Variants in PPP1R12A observed in about 807,000 individuals in gnomAD.
The protein encoded by PPP1R12A is myosin binding subunit.
Under a neutral mutation model 139.6 loss-of-function variants are expected in PPP1R12A, and 19 were observed. The ratio of observed to expected loss-of-function variants is 0.14; its 90% CI spans 0.09 to 0.20. The LOEUF (loss-of-function observed/expected upper bound fraction) is 0.20, where lower values mean the gene tolerates loss of function less well. Ranked by LOEUF, PPP1R12A falls within the 10% of genes least tolerant of loss-of-function variation. The pLI is 1.00. For synonymous variants in PPP1R12A, 427 were observed against 420.6 expected (o/e 1.02, Z -0.19); for missense variants, 925 against 1,211.5 (o/e 0.76, Z 3.51).
At chr12:79,823,583 G>C (rs1876398318) in intron 5 of PPP1R12A, among the ~76,000 whole-genome samples, 1 of 132,592 alleles carries the variant, frequency 7.5e-6, no homozygotes, top group Non-Finnish European at 1.6e-5. Context: ...CATTGTCTAT[G>C]AAAGGTATCT....
chr12:79,786,012 AACAT>A (rs1871084609), intron 22 of PPP1R12A, among the ~76,000 whole-genome samples: 4 of 152,222 alleles, frequency 2.6e-5, no homozygotes, highest in Admixed American at 2.6e-4. Flanking sequence ...TACTTGAACA[AACAT>A]AAAATATTTG....
intron 1 of PPP1R12A, among the ~76,000 whole-genome samples, chr12:79,928,310 A>G (rs1250767958): frequency 1.3e-5 from 2 of 152,236 alleles, no homozygotes; most frequent in African/African-American, 4.8e-5. Flanking sequence ...GGAAGCACAG[A>G]GGCAGCAACT....
Position 79,833,846 on chromosome 12 carries a change from GA to G in PPP1R12A, c.488-1356del, listed in dbSNP as rs371589074. On this transcript the variant is annotated intron_variant, in intron 3 of 24. Transcript: ENST00000450142. ...AGTGAGACTTTGCCTCAAAGAAAAG[GA>G]AAAAAAAAAAAAAAAAGCAAAGTAC... Among the ~76,000 whole-genome samples, 203 of 116,764 alleles carry G rather than the reference GA, an allele frequency of 1.7e-3. 1 individual carries two copies. The highest frequency in any genetic ancestry group is 6.5e-3 in the African/African-American group (183 of 28,360). The allele number at this position is 116,764 out of a possible 152,430, so 76.6% of individuals were successfully genotyped here.
chr12:79,884,228 G>A (rs979946822), intron 1 of PPP1R12A, among the ~76,000 whole-genome samples: 1 of 152,044 alleles, frequency 6.6e-6, no homozygotes, highest in Non-Finnish European at 1.5e-5. Context: ...GATTACACTG[G>A]CTCTTTGAAA....
chr12:79,809,638 A>G (rs1309255370), intron 10 of PPP1R12A, among the ~76,000 whole-genome samples, 157 bp downstream of exon 10: 1 of 152,168 alleles, frequency 6.6e-6, no homozygotes, highest in African/African-American at 2.4e-5. Flanking sequence ...AGTATTTATA[A>G]TTCTGTATAA....
chr12:79,847,069 A>G (rs1304563107), intron 2 of PPP1R12A, among the ~76,000 whole-genome samples: 1 of 152,094 alleles, frequency 6.6e-6, no homozygotes, highest in Non-Finnish European at 1.5e-5. Context: ...GGAAAAAGGA[A>G]CTCCTTTATT....
At chr12:79,909,214 G>T (rs1362425304) in intron 1 of PPP1R12A, among the ~76,000 whole-genome samples, 1 of 152,092 alleles carries the variant, frequency 6.6e-6, no homozygotes, top group Admixed American at 6.5e-5. Context: ...AGGTCTAATG[G>T]AATAATAAAA....
At position 79,790,574 on chromosome 12, in the gene PPP1R12A, T is replaced by C. The variant is rs1871717830; in HGVS notation, c.2650-91A>G. 8 of 913,964 alleles carry C rather than the reference T, an allele frequency of 8.8e-6. No individual in the cohort carries two copies. In the South Asian group the frequency reaches 1.8e-4, roughly 21 times the overall value. 56.6% of individuals were successfully genotyped at this position (913,964 alleles called of 1,614,324 possible). A position where few individuals can be genotyped will look rare whatever the true frequency, so the allele number is the denominator to read the frequency against. ...GATTATAAGTAAATTTAATGTAGTA[T>C]CAATAGAAGCAAACGAATGAACACC... On this transcript the variant is annotated intron_variant, in intron 19 of 24. Coordinates refer to ENST00000450142, the MANE Select transcript of PPP1R12A (RefSeq NM_002480.3).
Position 79,870,042 on chromosome 12 carries a change from T to C in PPP1R12A, c.368+2766A>G, listed in dbSNP as rs370634863. On this transcript the variant is annotated intron_variant, in intron 2 of 24. Transcript: ENST00000450142. ...TTCTATACCCAAGAAAACTAGGGTT[T>C]CATTAATTTCACTTAATCATTAGTG... 9.9e-5 allele frequency among the ~76,000 whole-genome samples: 15 copies of C among 152,124 alleles called. No homozygotes were observed. The East Asian group carries it at 2.7e-3, about 27-fold the overall frequency.
chr12:79,922,999 G>A (rs1239439421), intron 1 of PPP1R12A, among the ~76,000 whole-genome samples: 1 of 152,166 alleles, frequency 6.6e-6, no homozygotes, highest in East Asian at 1.9e-4. Context: ...TATAGGCCAG[G>A]TGCGATGGCT....
chr12:79,871,192 T>C (rs1384215475), intron 2 of PPP1R12A, among the ~76,000 whole-genome samples: 1 of 152,180 alleles, frequency 6.6e-6, no homozygotes, highest in Non-Finnish European at 1.5e-5. Flanking sequence ...CTCTAAATGA[T>C]ATTTTATCCT....
At position 79,821,112 on chromosome 12, in the gene PPP1R12A, T is replaced by C. The variant is rs780488067; in HGVS notation, c.922A>G (p.Met308Val). The C allele has an allele frequency of 1.2e-6, 2 of 1,613,210 alleles. No individual in the cohort carries two copies. The highest frequency in any genetic ancestry group is 8.5e-7 in the Non-Finnish European group (1 of 1,179,330). ...KSPLIESTAN[M>V]DNNQSQKTFK... The stretch of plus-strand genomic sequence containing the variant: ...GTCTTCTGTGACTGATTATTGTCCA[T>C]ATTTGCTGTTGATTCAATTAGTGGA... Residue 308 changes from methionine to valine, a missense_variant, in exon 7 of 25, where the codon ATG (methionine) becomes GTG (valine). Physicochemically the swap from Met to Val is conservative, Grantham distance 21 (BLOSUM62 1). Around this residue, in one of 4 missense-constraint regions of PPP1R12A, gnomAD observed 403 missense variants for 463.7 expected, o/e 0.87. Coordinates refer to ENST00000450142, the MANE Select transcript of PPP1R12A (RefSeq NM_002480.3).
chr12:79,833,800 G>GCA (rs972331347), intron 3 of PPP1R12A, among the ~76,000 whole-genome samples: 9 of 145,688 alleles, frequency 6.2e-5, no homozygotes, highest in African/African-American at 2.3e-4. Context: ...TCACGCCACT[G>GCA]CACTCCAGCC....
intron 1 of PPP1R12A, among the ~76,000 whole-genome samples, chr12:79,916,458 T>C (rs1887005622): frequency 1.3e-5 from 2 of 152,204 alleles, no homozygotes; most frequent in African/African-American, 2.4e-5. Context: ...TGTATAAAAC[T>C]GCTTTTCTAA....
intron 23 of PPP1R12A, chr12:79,780,049 A>C (rs1592599927): frequency 6.6e-6 from 1 of 152,258 alleles, no homozygotes; most frequent in East Asian, 1.9e-4. Flanking sequence ...AAAAGAAATT[A>C]AAAAAATAGT....
intron 2 of PPP1R12A, among the ~76,000 whole-genome samples, chr12:79,849,182 G>A (rs1285653090): frequency 2.6e-5 from 4 of 152,026 alleles, no homozygotes; most frequent in Admixed American, 6.6e-5. Context: ...TCAGAAGTTC[G>A]AGACCAGCCT....
intron 1 of PPP1R12A, among the ~76,000 whole-genome samples, chr12:79,904,944 A>T (rs1411926059): frequency 6.6e-6 from 1 of 152,236 alleles, no homozygotes; most frequent in African/African-American, 2.4e-5. Flanking sequence ...ACACAAAGGT[A>T]AATTCAAATA....
At chr12:79,799,117 G>A (rs912716068) in intron 14 of PPP1R12A, among the ~76,000 whole-genome samples, 1 of 151,984 alleles carries the variant, frequency 6.6e-6, no homozygotes, top group African/African-American at 2.4e-5. Flanking sequence ...TTGGAAGACA[G>A]GTATCAAATT....
At chr12:79,916,621 C>G (rs140368722) in intron 1 of PPP1R12A, among the ~76,000 whole-genome samples, 70 of 152,186 alleles carry the variant, frequency 4.6e-4, no homozygotes, top group African/African-American at 1.6e-3. Context: ...TTGCAAAAAG[C>G]TACAAAATAC....
Sources: gnomAD v4.1 joint callset for allele counts (sites outside exome capture counted in the v4.1 genomes callset) on GRCh38, gnomAD v4.1.1 for gene constraint, gnomAD v4.1.1 regional missense constraint, MANE v1.5 for transcripts, NCBI Gene and HGNC (gene_info 2026-07-23, HGNC 2026-07-21) for gene names.